The following TGFBR3 variants were observed in gnomAD, a reference collection of about 807,000 sequenced individuals.
TGFBR3 encodes the protein transforming growth factor beta receptor type 3.
A neutral mutation model predicts 87.9 loss-of-function variants in TGFBR3; 46 were observed. The ratio of observed to expected loss-of-function variants is 0.52; its 90% CI spans 0.41 to 0.67. The LOEUF (loss-of-function observed/expected upper bound fraction) is 0.67, where lower values mean the gene tolerates loss of function less well. TGFBR3 is among the 30% of genes least tolerant of loss of function. The probability of loss-of-function intolerance (pLI) is 0.00; values close to 1 mark genes in which losing one functional copy is unlikely to be tolerated. For missense variants in TGFBR3, 866 were observed against 1,041.9 expected (o/e 0.83, Z 2.32); for synonymous variants, 381 against 391.6 (o/e 0.97, Z 0.32).
chr1:91,714,986 T>G (rs1434065649), intron 12 of TGFBR3, among the ~76,000 whole-genome samples: 1 of 152,224 alleles, frequency 6.6e-6, no homozygotes. Context: ...GTTATGTGTC[T>G]TTCCAAAACA....
intron 2 of TGFBR3, chr1:91,801,099 A>AAAAAAAAAG (rs58454913): frequency 1.2e-5 from 2 of 173,624 alleles, no homozygotes; most frequent in African/African-American, 2.8e-5. Flanking sequence ...AAAAAAAAAA[A>AAAAAAAAAG]AGAGAGAGAG....
chr1:91,826,085 C>G (rs1208703335), intron 2 of TGFBR3, among the ~76,000 whole-genome samples: 1 of 152,050 alleles, frequency 6.6e-6, no homozygotes, highest in African/African-American at 2.4e-5. Context: ...ATATTAAGTC[C>G]CTGCTATGTG....
intron 2 of TGFBR3, among the ~76,000 whole-genome samples, chr1:91,823,639 T>G (rs568308064): frequency 2.6e-5 from 4 of 152,332 alleles, no homozygotes; most frequent in Admixed American, 1.3e-4. Flanking sequence ...CACATGAACT[T>G]CTAGAACAGG....
At chr1:91,859,764 C>A (rs1435562205) in intron 2 of TGFBR3, among the ~76,000 whole-genome samples, 1 of 151,952 alleles carries the variant, frequency 6.6e-6, no homozygotes, top group Non-Finnish European at 1.5e-5. Flanking sequence ...AAAAAATTAG[C>A]CAGGCATGGT....
chr1:91,807,419 T>G (rs1453336265), intron 2 of TGFBR3, among the ~76,000 whole-genome samples: 1 of 152,206 alleles, frequency 6.6e-6, no homozygotes, highest in African/African-American at 2.4e-5. Flanking sequence ...AAACTAACCC[T>G]CTTCCAAGAA....
intron 2 of TGFBR3, among the ~76,000 whole-genome samples, chr1:91,811,420 T>C (rs1676024950): frequency 6.6e-6 from 1 of 152,234 alleles, no homozygotes; most frequent in Non-Finnish European, 1.5e-5. Context: ...ATCAGTGATT[T>C]TTAACTTTTT....
At chr1:91,789,341 G>A (rs1287445909) in intron 3 of TGFBR3, among the ~76,000 whole-genome samples, 1 of 152,154 alleles carries the variant, frequency 6.6e-6, no homozygotes, top group African/African-American at 2.4e-5. Flanking sequence ...GTCTCTATCT[G>A]GGGGAAGAGG....
At chr1:91,836,470 G>T (rs1677072461) in intron 2 of TGFBR3, among the ~76,000 whole-genome samples, 1 of 152,038 alleles carries the variant, frequency 6.6e-6, no homozygotes, top group Non-Finnish European at 1.5e-5. Context: ...CAGCTACTCA[G>T]TGGCAGCCGT....
At chr1:91,845,113 A>G (rs780320329) in intron 2 of TGFBR3, among the ~76,000 whole-genome samples, 2 of 152,352 alleles carry the variant, frequency 1.3e-5, no homozygotes, top group Admixed American at 6.5e-5. Flanking sequence ...GTTGAGTAAT[A>G]AACAGAAATA....
intron 4 of TGFBR3, among the ~76,000 whole-genome samples, chr1:91,738,987 A>T (rs1417926497): frequency 6.6e-6 from 1 of 152,208 alleles, no homozygotes; most frequent in Admixed American, 6.5e-5. Context: ...CACAGTTGAG[A>T]CGCAGCAAGT....
chr1:91,743,632 C>T (rs953665993), intron 4 of TGFBR3, among the ~76,000 whole-genome samples: 3 of 152,194 alleles, frequency 2.0e-5, no homozygotes, highest in African/African-American at 4.8e-5. Context: ...TCTTAGTGTG[C>T]ATTGTCCATG....
chr1:91,816,593 G>C (rs1676234233), intron 2 of TGFBR3, among the ~76,000 whole-genome samples: 1 of 152,136 alleles, frequency 6.6e-6, no homozygotes, highest in Non-Finnish European at 1.5e-5. Flanking sequence ...ACCTATTTCA[G>C]CTATTGAGTC....
At chr1:91,859,736 T>C (rs1678101086) in intron 2 of TGFBR3, among the ~76,000 whole-genome samples, 2 of 151,772 alleles carry the variant, frequency 1.3e-5, no homozygotes, top group Non-Finnish European at 2.9e-5. Flanking sequence ...GGTGAAACCT[T>C]GTCTCTACTA....
intron 1 of TGFBR3, among the ~76,000 whole-genome samples, chr1:91,874,533 C>T (rs1384542917): frequency 6.6e-6 from 1 of 152,160 alleles, no homozygotes. Context: ...TTTGGTCACT[C>T]TGTCACCAGA....
In TGFBR3 at chr1:91,695,718, G is replaced by A. The variant is rs761469766; in HGVS notation, c.2391C>T (p.Ile797=). The change falls in exon 16 of 17, where the codon ATC becomes ATT. Residue 797 remains isoleucine (I), a synonymous_variant. Coordinates refer to ENST00000212355, the MANE Select transcript of TGFBR3 (RefSeq NM_003243.5). The part of the protein sequence containing the change: ...VMGIAFAAFV[I]GALLTGALWY... ...ACAAGGCCCCCGTCAGGAGTGCTCC[G>A]ATCACAAAGGCTGCAAACGCAATGC... The A allele has an allele frequency of 2.9e-5, 46 of 1,614,034 alleles. No individual in the cohort carries two copies. The highest frequency in any genetic ancestry group is 4.0e-5 in the African/African-American group (3 of 74,916).
intron 12 of TGFBR3, among the ~76,000 whole-genome samples, chr1:91,715,854 GA>G (rs71586709): frequency 1.3e-5 from 2 of 150,308 alleles, no homozygotes; most frequent in African/African-American, 4.9e-5. Flanking sequence ...ACTGTGCAGG[GA>G]AAAAAAAAGA....
intron 2 of TGFBR3, among the ~76,000 whole-genome samples, chr1:91,824,634 C>T (rs1483354963): frequency 6.6e-6 from 1 of 152,166 alleles, no homozygotes; most frequent in Non-Finnish European, 1.5e-5. Context: ...TGTGGAGAAA[C>T]TAGAACCCTC....
intron 4 of TGFBR3, among the ~76,000 whole-genome samples, chr1:91,744,260 AT>A (rs1307908281): frequency 6.6e-6 from 1 of 151,440 alleles, no homozygotes; most frequent in Non-Finnish European, 1.5e-5. Context: ...AATTTTTTGT[AT>A]TTTTAGTAGA....
intron 3 of TGFBR3, among the ~76,000 whole-genome samples, chr1:91,768,567 G>C (rs1273982560): frequency 6.6e-6 from 1 of 152,138 alleles, no homozygotes; most frequent in Non-Finnish European, 1.5e-5. Context: ...CTCGTGAATG[G>C]TTTAGCACCA....
Sources: gnomAD v4.1 joint callset for allele counts (sites outside exome capture counted in the v4.1 genomes callset) on GRCh38, gnomAD v4.1.1 for gene constraint, MANE v1.5 for transcripts, NCBI Gene and HGNC (gene_info 2026-07-23, HGNC 2026-07-21) for gene names.